COLGALT2: variants seen among roughly 807,000 people sequenced by gnomAD.
COLGALT2 encodes procollagen galactosyltransferase 2.
Under a neutral mutation model 73.4 loss-of-function variants are expected in COLGALT2, and 49 were observed. That is an observed-to-expected ratio of 0.67 (90% CI 0.53 to 0.85). The LOEUF is 0.85. Among genes scored for constraint, COLGALT2 ranks in the 40% least tolerant of loss-of-function variants. COLGALT2 has a pLI of 0.00. For missense variants in COLGALT2, 722 were observed against 790.2 expected, an observed-to-expected ratio of 0.91 and a Z score of 1.03; for synonymous variants, 295 against 307.6, an observed-to-expected ratio of 0.96 and a Z score of 0.43.
chr1:183,991,450 A>G (rs1272252437), intron 1 of COLGALT2, among the ~76,000 whole-genome samples: 1 of 152,210 alleles, frequency 6.6e-6, no homozygotes, highest in Non-Finnish European at 1.5e-5. Context: ...ATAAATTTAC[A>G]AACTGAATTC....
At position 184,016,274 on chromosome 1, in the gene COLGALT2, T is replaced by C. The variant is rs146773836; in HGVS notation, c.263+20821A>G. 1.1e-3 allele frequency among the ~76,000 whole-genome samples: 162 copies of C among 152,326 alleles called. 3 individuals carry two copies. The East Asian group carries it at 0.029, about 27-fold the overall frequency. On this transcript the variant is annotated intron_variant, in intron 1 of 11. Transcript: ENST00000361927. ...GGAGTGGGACTTCTCATGCTAAGAA[T>C]TGTCTAAGTCAATGCGGCAAAAGCA...
intron 1 of COLGALT2, among the ~76,000 whole-genome samples, chr1:184,017,829 A>C (rs1649054798): frequency 6.6e-6 from 1 of 152,010 alleles, no homozygotes; most frequent in Non-Finnish European, 1.5e-5. Context: ...ACTCCGGAAA[A>C]ATCTTAATTT....
At chr1:183,945,837 T>C in intron 8 of COLGALT2, 1 of 451,256 alleles carries the variant, frequency 2.2e-6, no homozygotes, top group South Asian at 3.2e-5. Flanking sequence ...ATTTAATAAG[T>C]ACACTCCTAT....
chr1:183,954,690 C>T (rs1314691646), intron 7 of COLGALT2, 72 bp downstream of exon 7: 5 of 1,231,976 alleles, frequency 4.1e-6, no homozygotes, highest in Non-Finnish European at 5.9e-6. Flanking sequence ...CAAGCTCAGG[C>T]TTGTGTTCCA....
At position 184,023,458 on chromosome 1, in the gene COLGALT2, G is replaced by A. The variant is rs144193872; in HGVS notation, c.263+13637C>T. Among the ~76,000 whole-genome samples, 43 of 152,328 alleles carry A rather than the reference G, an allele frequency of 2.8e-4. 2 individuals carry two copies. In the East Asian group the frequency reaches 8.1e-3, roughly 29 times the overall value. Reference sequence around the variant, plus strand: ...CAGTGTGATAATCCACTAGCTTGGTGAGACTTGAATTCCAACTGGCAGGTT... The same window carrying A: ...CAGTGTGATAATCCACTAGCTTGGTAAGACTTGAATTCCAACTGGCAGGTT... On this transcript the variant is annotated intron_variant, in intron 1 of 11. Coordinates refer to ENST00000361927, the MANE Select transcript of COLGALT2 (RefSeq NM_015101.4).
At chr1:184,026,515 T>A (rs1055720616) in intron 1 of COLGALT2, among the ~76,000 whole-genome samples, 1 of 152,188 alleles carries the variant, frequency 6.6e-6, no homozygotes, top group Admixed American at 6.6e-5. Context: ...AAAAAATATT[T>A]GTTGTGCAGC....
intron 7 of COLGALT2, among the ~76,000 whole-genome samples, chr1:183,952,417 T>G (rs539475726): frequency 6.6e-6 from 1 of 152,268 alleles, no homozygotes; most frequent in South Asian, 2.1e-4. Flanking sequence ...TCTTTCAAAT[T>G]CAGTACAGAT....
At position 183,940,681 on chromosome 1, in the gene COLGALT2, T is replaced by A; in HGVS notation, c.1504A>T (p.Ile502Phe). 1 of 1,614,218 alleles carries A rather than the reference T, an allele frequency of 6.2e-7. No homozygotes were observed. Among genetic ancestry groups the A allele is most frequent in the Non-Finnish European group, 8.5e-7 (1 of 1,180,044 alleles). Reference protein sequence around the residue: ...DYSYWTLGYVISLEGAQKLVG... With the variant: ...DYSYWTLGYVFSLEGAQKLVG... Reference sequence around the variant, plus strand: ...AGCTTCTGTGCTCCTTCCAGAGAGATGACGTAGCCCAGGGTCCAGTAGGAA... The same window carrying A: ...AGCTTCTGTGCTCCTTCCAGAGAGAAGACGTAGCCCAGGGTCCAGTAGGAA... The change falls in exon 11 of 12, where the codon ATC (isoleucine) becomes TTC (phenylalanine). Residue 502 changes from isoleucine (I) to phenylalanine (F), a missense_variant. By Grantham distance (21) the Ile-to-Phe change is conservative. Coordinates refer to ENST00000361927, the MANE Select transcript of COLGALT2 (RefSeq NM_015101.4).
chr1:184,015,033 G>A (rs1648955152), intron 1 of COLGALT2, among the ~76,000 whole-genome samples: 1 of 152,032 alleles, frequency 6.6e-6, no homozygotes, highest in Non-Finnish European at 1.5e-5. Flanking sequence ...GCTGGGGGAT[G>A]AACAGTCCTC....
chr1:183,977,197 C>T (rs1330854988), intron 2 of COLGALT2, among the ~76,000 whole-genome samples: 1 of 152,124 alleles, frequency 6.6e-6, no homozygotes, highest in East Asian at 1.9e-4. Context: ...GGTGGCCGGG[C>T]ACGGTGGCTC....
At chr1:183,930,569 C>CTTTCT (rs1669822947) in intron 11 of COLGALT2, among the ~76,000 whole-genome samples, 11 of 114,062 alleles carry the variant, frequency 9.6e-5, no homozygotes, top group South Asian at 2.9e-4. Context: ...TTTTCTTTTT[C>CTTTCT]TTTTTTTTTT....
rs1669974795 is a variant in COLGALT2 at position 183,937,083 on chromosome 1, G to A, written c.*1678C>T. ...CATGGGCAGTGAACTGAAGAATTAG[G>A]TGTCTGGCTTAAAGTGTATCTTACA... On this transcript the variant is annotated 3_prime_UTR_variant, in exon 12 of 12. Transcript: ENST00000361927. 9.7e-6 allele frequency: 12 copies of A among 1,231,188 alleles called. No individual in the cohort carries two copies. The South Asian group carries it at 5.0e-4, about 51-fold the overall frequency. The allele number at this position is 1,231,188 out of a possible 1,614,324, so 76.3% of individuals were successfully genotyped here. A position where few individuals can be genotyped will look rare whatever the true frequency, so the allele number is the denominator to read the frequency against.
chr1:184,035,747 G>C (rs1189336385), intron 1 of COLGALT2, among the ~76,000 whole-genome samples: 1 of 152,072 alleles, frequency 6.6e-6, no homozygotes, highest in Non-Finnish European at 1.5e-5. Context: ...TAACTGATAT[G>C]TGTGAATTTC....
intron 11 of COLGALT2, among the ~76,000 whole-genome samples, chr1:183,930,483 G>A (rs1393133939): frequency 6.6e-6 from 1 of 151,840 alleles, no homozygotes; most frequent in Non-Finnish European, 1.5e-5. Context: ...CCGCTTCCTG[G>A]GCTCAAGCGA....
intron 1 of COLGALT2, among the ~76,000 whole-genome samples, chr1:184,032,261 T>C (rs1408151027): frequency 6.6e-6 from 1 of 152,202 alleles, no homozygotes; most frequent in Non-Finnish European, 1.5e-5. Flanking sequence ...AAATTTCCAT[T>C]TGAAGATTTT....
Position 183,975,131 on chromosome 1 carries a change from C to T in COLGALT2, c.458G>A (p.Arg153Gln), listed in dbSNP as rs368641256. The T allele has an allele frequency of 2.4e-5, 39 of 1,613,920 alleles. No homozygotes were observed. Among genetic ancestry groups the T allele is most frequent in the Non-Finnish European group, 2.5e-5 (30 of 1,179,960 alleles). ...GTCTGACCATTTTTCCCTCGCAGTT[C>T]GAAGGGCTGCCTGTCGTAGTTTCAT... ...HVMKLRQAAL[R>Q]TAREKWSDYI... Residue 153 changes from arginine to glutamine, a missense_variant, in exon 3 of 12, where the codon CGA (arginine) becomes CAA (glutamine). Coordinates refer to ENST00000361927, the MANE Select transcript of COLGALT2 (RefSeq NM_015101.4).
intron 9 of COLGALT2, 149 bp from the exon 10 acceptor site, chr1:183,944,472 T>C: frequency 1.2e-6 from 1 of 845,034 alleles, no homozygotes; most frequent in South Asian, 1.9e-5. Context: ...GAATAGATAA[T>C]AAACTTTGGA....
chr1:183,985,858 TA>T (rs1671473353), intron 1 of COLGALT2, among the ~76,000 whole-genome samples: 1 of 152,162 alleles, frequency 6.6e-6, no homozygotes, highest in African/African-American at 2.4e-5. Context: ...TTGGCAAAGG[TA>T]AATTTTCCAA....
chr1:184,035,732 T>A (rs1198590765), intron 1 of COLGALT2, among the ~76,000 whole-genome samples: 1 of 152,136 alleles, frequency 6.6e-6, no homozygotes, highest in East Asian at 1.9e-4. Flanking sequence ...ACACAACAAC[T>A]AAGGTAACTG....
Sources: allele counts gnomAD v4.1 joint callset (sites outside exome capture counted in the v4.1 genomes callset), GRCh38; gene constraint gnomAD v4.1.1; transcripts MANE v1.5; gene names NCBI Gene and HGNC (gene_info 2026-07-23, HGNC 2026-07-21).